Variants in KIF5B observed in about 807,000 individuals in gnomAD.
KIF5B encodes kinesin-1 heavy chain.
KIF5B carries 49 observed loss-of-function variants against 132.8 expected under a neutral mutation model. The observed-to-expected ratio is 0.37, with a 90% CI of 0.29 to 0.47. KIF5B has a LOEUF of 0.47. Among genes scored for constraint, KIF5B ranks in the 20% least tolerant of loss-of-function variants. The pLI is 1.00. For missense variants in KIF5B, 780 were observed against 1,144.0 expected, an observed-to-expected ratio of 0.68 and a Z score of 4.59; for synonymous variants, 355 against 369.4, an observed-to-expected ratio of 0.96 and a Z score of 0.45.
intron 1 of KIF5B, among the ~76,000 whole-genome samples, chr10:32,049,930 AT>A (rs898984160): frequency 0.021 from 2,049 of 96,464 alleles, 41 homozygotes; most frequent in African/African-American, 0.056. Context: ...TAAGAAAGTT[AT>A]TTTTTTTTTA....
chr10:32,038,116 A>AC (rs755735858), intron 6 of KIF5B, 47 bp downstream of exon 6: 32 of 1,256,174 alleles, frequency 2.5e-5, no homozygotes, highest in Admixed American at 2.1e-4. Context: ...TCTTAAAAAA[A>AC]AAAAAAAAGT....
intron 20 of KIF5B, 121 bp downstream of exon 20, chr10:32,019,737 G>GA (rs1433251497): frequency 1.0e-5 from 6 of 590,614 alleles, no homozygotes; most frequent in Admixed American, 3.4e-5. Context: ...GTGGATTTAA[G>GA]AAAAAATCCT....
Position 32,017,158 on chromosome 10 carries a change from G to A in KIF5B, c.2746C>T (p.His916Tyr). 2 of 1,613,558 alleles carry A rather than the reference G, an allele frequency of 1.2e-6. No homozygotes were observed. Among genetic ancestry groups the A allele is most frequent in the Non-Finnish European group, 1.7e-6 (2 of 1,179,432 alleles). Residue 916 changes from histidine (H) to tyrosine (Y), a missense_variant, in exon 24 of 26, where the codon CAT becomes TAT. Physicochemically the swap from His to Tyr is moderately conservative, Grantham distance 83. Around this residue, in one of 9 missense-constraint regions of KIF5B, gnomAD observed 90 missense variants for 101.8 expected, o/e 0.88. Transcript: ENST00000302418. ...TTCTACTAACCAATCTGTGCAGAAT[G>A]CCCTCTTCTGGCCATATTCTTTGAC... is the stretch of plus-strand genomic sequence containing the variant. ...VRSKNMARRG[H>Y]SAQIAKPIRP...
intron 4 of KIF5B, 51 bp from the exon 5 acceptor site, chr10:32,038,877 T>A: frequency 8.7e-7 from 1 of 1,154,408 alleles, no homozygotes; most frequent in Non-Finnish European, 1.3e-6. Flanking sequence ...ATATAACTTA[T>A]TCGCATATTG....
In KIF5B at chr10:32,037,578, T is replaced by C. The variant is rs374579950; in HGVS notation, c.528A>G (p.Pro176=). 1.8e-5 allele frequency: 29 copies of C among 1,613,090 alleles called. No homozygotes were observed. The highest frequency in any genetic ancestry group is 2.5e-5 in the Non-Finnish European group (29 of 1,179,120). ...KGCTERFVCS[P]DEVMDTIDEG... Reference sequence around the variant, plus strand: ...CATCTATGGTATCCATAACTTCATCTGGACTACATACAAAACGCTCTGTGC... The same window carrying C: ...CATCTATGGTATCCATAACTTCATCCGGACTACATACAAAACGCTCTGTGC... Residue 176 remains proline (P), a synonymous_variant, in exon 7 of 26, where the codon CCA becomes CCG. Coordinates refer to ENST00000302418, the MANE Select transcript of KIF5B (RefSeq NM_004521.3).
At chr10:32,027,220 T>G (rs1240907686) in intron 15 of KIF5B, among the ~76,000 whole-genome samples, 1 of 152,190 alleles carries the variant, frequency 6.6e-6, no homozygotes, top group African/African-American at 2.4e-5. Flanking sequence ...CTCTTTGTAT[T>G]GTAATTAGGC....
At chr10:32,019,990 A>T in intron 19 of KIF5B, 31 bp from the exon 20 acceptor site, 1 of 1,362,222 alleles carries the variant, frequency 7.3e-7, no homozygotes, top group Non-Finnish European at 1.0e-6. Flanking sequence ...TTAACACAGT[A>T]TCAATATCAC....
chr10:32,033,299 A>G (rs1290698650), intron 12 of KIF5B, among the ~76,000 whole-genome samples: 1 of 152,188 alleles, frequency 6.6e-6, no homozygotes, highest in Non-Finnish European at 1.5e-5. Context: ...CCAGGCCACA[A>G]AGCAGTACTG....
chr10:32,054,041 C>G (rs1245143016), intron 1 of KIF5B, among the ~76,000 whole-genome samples: 1 of 152,118 alleles, frequency 6.6e-6, no homozygotes, highest in African/African-American at 2.4e-5. Flanking sequence ...TTTATGAATC[C>G]TAAATTTTAG....
At position 32,021,021 on chromosome 10, in the gene KIF5B, C is replaced by T. The variant is rs375437478; in HGVS notation, c.2204+1G>A. 2 of 1,521,208 alleles carry T rather than the reference C, an allele frequency of 1.3e-6. No homozygotes were observed. Among genetic ancestry groups the T allele is most frequent in the Non-Finnish European group, 1.8e-6 (2 of 1,096,158 alleles). The allele number at this position is 1,521,208 out of a possible 1,614,324, so 94.2% of individuals were successfully genotyped here. ...CCTAACTAGAGAAGTATAATACTTA[C>T]TCTTGAAGATCAGTAATAAGTTTTG... is the stretch of plus-strand genomic sequence containing the variant. On this transcript the variant is annotated splice_donor_variant, in intron 19 of 25. Transcript: ENST00000302418. LOFTEE classifies it high-confidence loss of function.
At position 32,023,018 on chromosome 10, in the gene KIF5B, T is replaced by A. The variant is rs201746852; in HGVS notation, c.1744A>T (p.Met582Leu). 5.7e-6 allele frequency: 9 copies of A among 1,586,816 alleles called. No homozygotes were observed. The Admixed American group carries it at 8.5e-5, about 15-fold the overall frequency. Reference sequence around the variant, plus strand: ...GCAACAGTGAACTCTTCATCTATCATGCCAGTTCCCTCAGGCTGCTGTAAG... The same window carrying A: ...GCAACAGTGAACTCTTCATCTATCAAGCCAGTTCCCTCAGGCTGCTGTAAG... ...NDVKQPEGTG[M>L]IDEEFTVARL... Residue 582 changes from methionine (M) to leucine (L), a missense_variant, in exon 16 of 26, where the codon ATG becomes TTG. By Grantham distance (15) the Met-to-Leu change is conservative (BLOSUM62 2). This residue lies in a region of KIF5B where 471 missense variants were observed against 569.9 expected (regional missense o/e 0.83). Transcript: ENST00000302418.
In KIF5B at chr10:32,010,943, A is replaced by T. The variant is rs560538582; in HGVS notation, c.*594T>A. ...ACAGTAGTTTTCAGGAGCAAACTTC[A>T]GAAACAATACAAGTAATTTTAACCC... On this transcript the variant is annotated 3_prime_UTR_variant, in exon 26 of 26. Transcript: ENST00000302418. 1.3e-4 allele frequency: 20 copies of T among 152,278 alleles called. No homozygotes were observed. In the South Asian group the frequency reaches 3.9e-3, roughly 30 times the overall value. The allele number at this position is 152,278 out of a possible 1,614,324, so 9.4% of individuals were successfully genotyped here.
chr10:32,037,719 G>C (rs1400075158), intron 6 of KIF5B, 112 bp from the exon 7 acceptor site: 2 of 723,460 alleles, frequency 2.8e-6, no homozygotes, highest in African/African-American at 3.5e-5. Context: ...TGTAATCCTA[G>C]CTACTTGGGA....
chr10:32,013,466 G>C (rs1352142506), intron 25 of KIF5B, among the ~76,000 whole-genome samples: 1 of 152,124 alleles, frequency 6.6e-6, no homozygotes, highest in Admixed American at 6.5e-5. Flanking sequence ...CAAGATAACT[G>C]GGCCTACTCA....
intron 1 of KIF5B, among the ~76,000 whole-genome samples, chr10:32,055,562 C>T (rs963140036): frequency 6.6e-6 from 1 of 152,066 alleles, no homozygotes; most frequent in Non-Finnish European, 1.5e-5. Context: ...GTGCACTGAA[C>T]TTGCTGCCCG....
In KIF5B at chr10:32,021,357, A is replaced by G. The variant is rs575694978; in HGVS notation, c.2033-70T>C. On this transcript the variant is annotated intron_variant, in intron 17 of 25. Coordinates refer to ENST00000302418, the MANE Select transcript of KIF5B (RefSeq NM_004521.3). ...GGTTCCTCATATAAACCAAGGAGCA[A>G]ATGGATTTTACAATAAGCATTTTCC... The G allele has an allele frequency of 5.5e-6, 6 of 1,097,012 alleles. No homozygotes were observed. In the African/African-American group the frequency reaches 9.4e-5, roughly 17 times the overall value. 68.0% of individuals were successfully genotyped at this position (1,097,012 alleles called of 1,614,324 possible). A position where few individuals can be genotyped will look rare whatever the true frequency, so the allele number is the denominator to read the frequency against.
intron 4 of KIF5B, among the ~76,000 whole-genome samples, chr10:32,039,092 A>G (rs1335151249): frequency 6.6e-6 from 1 of 152,200 alleles, no homozygotes; most frequent in African/African-American, 2.4e-5. Context: ...TCTGCAGTAA[A>G]GCAACCTCCT....
At chr10:32,054,323 C>T (rs1202148501) in intron 1 of KIF5B, among the ~76,000 whole-genome samples, 1 of 152,194 alleles carries the variant, frequency 6.6e-6, no homozygotes, top group African/African-American at 2.4e-5. Flanking sequence ...TCCGCCTCTG[C>T]CGGGCTATGA....
chr10:32,038,918 G>A, intron 4 of KIF5B, 92 bp from the exon 5 acceptor site: 1 of 765,064 alleles, frequency 1.3e-6, no homozygotes, highest in Admixed American at 2.8e-5. Flanking sequence ...GTTTAGACTA[G>A]AGAGACAGTT....
Sources: allele counts gnomAD v4.1 joint callset (sites outside exome capture counted in the v4.1 genomes callset), GRCh38; gene constraint gnomAD v4.1.1; regional missense constraint gnomAD v4.1.1; transcripts MANE v1.5; gene names NCBI Gene and HGNC (gene_info 2026-07-23, HGNC 2026-07-21).